The following MAGI2 variants were observed in gnomAD, a reference collection of about 807,000 sequenced individuals.
The protein encoded by MAGI2 is membrane associated guanylate kinase, WW and PDZ domain containing 2.
MAGI2 carries 35 observed loss-of-function variants against 133.3 expected under a neutral mutation model. That is an observed-to-expected ratio of 0.26 (90% confidence interval 0.20 to 0.35). The LOEUF (loss-of-function observed/expected upper bound fraction) is 0.35, where lower values mean the gene tolerates loss of function less well. MAGI2 is among the 10% of genes least tolerant of loss of function. The pLI, the probability that MAGI2 is intolerant of heterozygous loss-of-function variation, is 1.00. For missense variants in MAGI2, 1,636 were observed against 1,863.4 expected (o/e 0.88, Z 2.25); for synonymous variants, 729 against 710.6 (o/e 1.03, Z -0.41).
chr7:78,865,349 A>G (rs1364217414), intron 2 of MAGI2, among the ~76,000 whole-genome samples: 1 of 152,130 alleles, frequency 6.6e-6, no homozygotes, highest in Non-Finnish European at 1.5e-5. Context: ...TGTGAGGAAG[A>G]CCATTAGTCA....
chr7:78,873,225 G>A (rs1795170225), intron 2 of MAGI2, among the ~76,000 whole-genome samples: 2 of 152,106 alleles, frequency 1.3e-5, no homozygotes, highest in African/African-American at 4.8e-5. Context: ...CTCCTACTAA[G>A]GCTCCCCTAT....
At chr7:78,695,336 C>T (rs1393860711) in intron 2 of MAGI2, among the ~76,000 whole-genome samples, 1 of 152,212 alleles carries the variant, frequency 6.6e-6, no homozygotes, top group Non-Finnish European at 1.5e-5. Context: ...TTTTCTAGGA[C>T]TGAACAAGCA....
At chr7:78,890,566 A>G (rs1796656909) in intron 2 of MAGI2, among the ~76,000 whole-genome samples, 1 of 152,198 alleles carries the variant, frequency 6.6e-6, no homozygotes, top group East Asian at 1.9e-4. Flanking sequence ...ACTCAGGATT[A>G]AGAAACTCAC....
intron 2 of MAGI2, among the ~76,000 whole-genome samples, chr7:78,938,245 T>C (rs1169670577): frequency 6.6e-6 from 1 of 152,114 alleles, no homozygotes; most frequent in Non-Finnish European, 1.5e-5. Flanking sequence ...AAATTAATGT[T>C]ATTAACATAC....
chr7:78,890,603 T>G (rs1189403804), intron 2 of MAGI2, among the ~76,000 whole-genome samples: 1 of 152,102 alleles, frequency 6.6e-6, no homozygotes, highest in Non-Finnish European at 1.5e-5. Context: ...ACATGGAAAC[T>G]GAACAACCTG....
At chr7:78,714,241 G>A (rs1819491458) in intron 2 of MAGI2, among the ~76,000 whole-genome samples, 1 of 152,232 alleles carries the variant, frequency 6.6e-6, no homozygotes, top group African/African-American at 2.4e-5. Flanking sequence ...TCCTTAGGGG[G>A]CAAGGTTTCA....
At chr7:78,968,130 C>T (rs1351454998) in intron 2 of MAGI2, among the ~76,000 whole-genome samples, 3 of 152,124 alleles carry the variant, frequency 2.0e-5, no homozygotes, top group Non-Finnish European at 4.4e-5. Flanking sequence ...CGCACCCTGC[C>T]TCCACTTGGT....
At chr7:78,458,010 A>T (rs1479616906) in intron 6 of MAGI2, among the ~76,000 whole-genome samples, 2 of 152,170 alleles carry the variant, frequency 1.3e-5, no homozygotes, top group Non-Finnish European at 2.9e-5. Flanking sequence ...ATGGAATAAA[A>T]GAGTAGGCTG....
chr7:78,738,976 CAT>C (rs769597041), intron 2 of MAGI2, among the ~76,000 whole-genome samples: 22 of 152,300 alleles, frequency 1.4e-4, no homozygotes, highest in East Asian at 3.9e-4. Context: ...GTAGCACAAA[CAT>C]AGAGAATCTA....
intron 3 of MAGI2, among the ~76,000 whole-genome samples, chr7:78,569,691 T>C (rs568254071): frequency 5.3e-5 from 8 of 152,302 alleles, no homozygotes; most frequent in Non-Finnish European, 1.0e-4. Context: ...TGCAAAAAAT[T>C]ACACAATTAT....
chr7:79,380,410 C>A (rs67145529), intron 1 of MAGI2, among the ~76,000 whole-genome samples: 22,591 of 151,674 alleles, frequency 0.15, 1,867 homozygotes, highest in East Asian at 0.29. Context: ...TCTTTGCTAG[C>A]TGAATAGAAC....
At chr7:78,095,540 A>G (rs556329676) in intron 20 of MAGI2, among the ~76,000 whole-genome samples, 132 of 152,274 alleles carry the variant, frequency 8.7e-4, no homozygotes, top group African/African-American at 3.1e-3. Flanking sequence ...GTCTCTGCTG[A>G]TTCAATGGCT....
chr7:79,402,251 A>C (rs976030372), intron 1 of MAGI2, among the ~76,000 whole-genome samples: 9 of 152,272 alleles, frequency 5.9e-5, no homozygotes, highest in African/African-American at 2.2e-4. Context: ...TAAATTTTTT[A>C]AAATTGCAAT....
intron 10 of MAGI2, among the ~76,000 whole-genome samples, chr7:78,227,299 A>G (rs553278062): frequency 6.6e-6 from 1 of 152,360 alleles, no homozygotes; most frequent in African/African-American, 2.4e-5. Flanking sequence ...TCATTAGAGT[A>G]AGTCTGGACT....
At chr7:78,028,741 G>A (rs932683681) in intron 21 of MAGI2, among the ~76,000 whole-genome samples, 1 of 151,000 alleles carries the variant, frequency 6.6e-6, no homozygotes, top group Admixed American at 6.7e-5. Flanking sequence ...TGTAATCCCA[G>A]CTACTCGGGA....
At chr7:78,168,905 C>CA (rs1210493325) in intron 14 of MAGI2, among the ~76,000 whole-genome samples, 2 of 152,142 alleles carry the variant, frequency 1.3e-5, no homozygotes, top group African/African-American at 2.4e-5. Context: ...TTGACTTACT[C>CA]AAAAAAATCT....
intron 7 of MAGI2, chr7:78,350,028 C>T (rs1235655223): frequency 6.6e-6 from 1 of 152,176 alleles, no homozygotes; most frequent in Non-Finnish European, 1.5e-5. Context: ...AGTCTATTGT[C>T]ATATTTTGCT....
At chr7:79,417,467 C>T (rs1214777984) in intron 1 of MAGI2, among the ~76,000 whole-genome samples, 1 of 152,056 alleles carries the variant, frequency 6.6e-6, no homozygotes, top group Non-Finnish European at 1.5e-5. Context: ...ATTTATCAGT[C>T]AGAGGAAGCT....
At chr7:78,726,919 G>GTTTT (rs573285679) in intron 2 of MAGI2, among the ~76,000 whole-genome samples, 10 of 144,144 alleles carry the variant, frequency 6.9e-5, no homozygotes, top group African/African-American at 2.5e-4. Context: ...AGATGCATGG[G>GTTTT]TTTTTTTTTT....
Sources: allele counts gnomAD v4.1 joint callset (sites outside exome capture counted in the v4.1 genomes callset), GRCh38; gene constraint gnomAD v4.1.1; transcripts MANE v1.5; gene names NCBI Gene and HGNC (gene_info 2026-07-23, HGNC 2026-07-21).